Variants in PCBP3 observed in about 807,000 individuals in gnomAD.
PCBP3 encodes poly(rC)-binding protein 3.
PCBP3 carries 25 observed loss-of-function variants against 52.7 expected under a neutral mutation model. The observed-to-expected ratio is 0.47, with a 90% CI of 0.35 to 0.66. The LOEUF (loss-of-function observed/expected upper bound fraction) is 0.66, where lower values mean the gene tolerates loss of function less well. PCBP3 is among the 30% of genes least tolerant of loss of function. The pLI, the probability that PCBP3 is intolerant of heterozygous loss-of-function variation, is 0.01. For synonymous variants in PCBP3, 162 were observed against 183.0 expected (o/e 0.89, Z 0.93); for missense variants, 391 against 490.3 (o/e 0.80, Z 1.91).
At chr21:45,700,710 C>A (rs759864003) in intron 2 of PCBP3, among the ~76,000 whole-genome samples, 1 of 152,184 alleles carries the variant, frequency 6.6e-6, no homozygotes, top group African/African-American at 2.4e-5. Flanking sequence ...GAATTCCTGT[C>A]TAGGGCTGTA....
At chr21:45,771,559 C>T (rs2089865777) in intron 4 of PCBP3, among the ~76,000 whole-genome samples, 1 of 152,154 alleles carries the variant, frequency 6.6e-6, no homozygotes, top group South Asian at 2.1e-4. Flanking sequence ...TGACAAAATG[C>T]AACACTCCTT....
intron 1 of PCBP3, among the ~76,000 whole-genome samples, chr21:45,651,992 T>G (rs1238951644): frequency 6.6e-6 from 1 of 152,224 alleles, no homozygotes; most frequent in African/African-American, 2.4e-5. Context: ...ATAGACGCAT[T>G]TGTGTATGAG....
At chr21:45,844,734 A>T (rs923795336) in intron 4 of PCBP3, among the ~76,000 whole-genome samples, 3 of 152,126 alleles carry the variant, frequency 2.0e-5, no homozygotes, top group African/African-American at 7.2e-5. Flanking sequence ...ACTCTGGTAC[A>T]TATGAAACCA....
intron 2 of PCBP3, among the ~76,000 whole-genome samples, chr21:45,688,764 G>T (rs2082298589): frequency 6.6e-6 from 1 of 151,780 alleles, no homozygotes; most frequent in Non-Finnish European, 1.5e-5. Flanking sequence ...AATATCAGTA[G>T]TGAAAAAGAA....
At chr21:45,922,719 T>A (rs2074617827) in intron 13 of PCBP3, among the ~76,000 whole-genome samples, 1 of 152,206 alleles carries the variant, frequency 6.6e-6, no homozygotes, top group African/African-American at 2.4e-5. Context: ...GTAGGCGATT[T>A]TAGATGAGCC....
At chr21:45,645,250 T>G (rs891203294) in intron 1 of PCBP3, among the ~76,000 whole-genome samples, 5 of 145,500 alleles carry the variant, frequency 3.4e-5, no homozygotes, top group Non-Finnish European at 6.1e-5. Flanking sequence ...TTTTTTTTTT[T>G]GCTTGTATGT....
chr21:45,693,097 A>C (rs1224251799), intron 2 of PCBP3, among the ~76,000 whole-genome samples: 21 of 152,188 alleles, frequency 1.4e-4, no homozygotes, highest in Admixed American at 1.4e-3. Context: ...ACTAATAATA[A>C]AAATTCTCAG....
intron 2 of PCBP3, among the ~76,000 whole-genome samples, chr21:45,706,604 G>A (rs1009734421): frequency 6.6e-6 from 1 of 152,132 alleles, no homozygotes; most frequent in Admixed American, 6.5e-5. Flanking sequence ...CTAGAATTTA[G>A]GAAAGATTTT....
rs867509465 is a variant in PCBP3 at position 45,829,290 on chromosome 21, C to T, written c.-125-20671C>T. 33 of 152,318 alleles carry T rather than the reference C, an allele frequency of 2.2e-4. No homozygotes were observed. Among genetic ancestry groups the T allele is most frequent in the South Asian group, 4.1e-4 (2 of 4,822 alleles). 9.4% of individuals were successfully genotyped at this position (152,318 alleles called of 1,614,324 possible). Reference sequence around the variant, plus strand: ...AGGACACTTTGCTGGGGAGAAGGTGCGTGGTCCATTTCTCCAGGAGTCCGT... The same window carrying T: ...AGGACACTTTGCTGGGGAGAAGGTGTGTGGTCCATTTCTCCAGGAGTCCGT... On this transcript the variant is annotated intron_variant, in intron 4 of 17. Coordinates refer to ENST00000681687, the MANE Select transcript of PCBP3 (RefSeq NM_001384156.1). This position sits in a 1 kb window ranked among gnomAD's most constrained non-coding sequence, Gnocchi z 5.2.
chr21:45,875,128 G>C (rs1270854637), intron 5 of PCBP3, among the ~76,000 whole-genome samples: 2 of 152,240 alleles, frequency 1.3e-5, no homozygotes, highest in African/African-American at 4.8e-5. Flanking sequence ...GGCGTCCAGC[G>C]GCAGCCAGAC....
chr21:45,689,805 TAATAA>T, intron 2 of PCBP3, among the ~76,000 whole-genome samples: 1 of 152,194 alleles, frequency 6.6e-6, no homozygotes, highest in Middle Eastern at 3.4e-3. Context: ...AGGATAAAGT[TAATAA>T]AATATGTGTA....
rs2077498448 is a variant in PCBP3, at chr21:45,941,868, AC to A, written c.*163del. On this transcript the variant is annotated 3_prime_UTR_variant, in exon 18 of 18. Transcript: ENST00000681687. ...GCCATGGAGAAACACACCCGCGCAC[AC>A]AGCTGCTCTCTACAGAGGCTGCAGG... 1.8e-5 allele frequency: 9 copies of A among 513,480 alleles called. No individual in the cohort carries two copies. The South Asian group carries it at 2.8e-4, about 16-fold the overall frequency. The allele number at this position is 513,480 out of a possible 1,614,324, so 31.8% of individuals were successfully genotyped here. A position where few individuals can be genotyped will look rare whatever the true frequency, so the allele number is the denominator to read the frequency against.
intron 12 of PCBP3, chr21:45,915,973 T>C (rs3788229): frequency 0.12 from 17,697 of 152,282 alleles, 1,239 homozygotes; most frequent in African/African-American, 0.2. Flanking sequence ...TCTGTCCAGT[T>C]GGAGAAATCA....
chr21:45,863,920 G>A (rs1009362213), intron 5 of PCBP3, among the ~76,000 whole-genome samples: 4 of 152,170 alleles, frequency 2.6e-5, no homozygotes, highest in African/African-American at 9.7e-5. Context: ...GATGCGTTAC[G>A]ATGAAAAAGC....
In PCBP3 at chr21:45,827,380, C is replaced by T. The variant is rs926863301; in HGVS notation, c.-125-22581C>T. 4.6e-5 allele frequency among the ~76,000 whole-genome samples: 7 copies of T among 152,152 alleles called. No individual in the cohort carries two copies. The highest frequency in any genetic ancestry group is 1.7e-4 in the African/African-American group (7 of 41,442). On this transcript the variant is annotated intron_variant, in intron 4 of 17. Coordinates refer to ENST00000681687, the MANE Select transcript of PCBP3 (RefSeq NM_001384156.1). This position sits in a 1 kb window ranked among gnomAD's most constrained non-coding sequence, Gnocchi z 4.3. ...CATGGCCAGGTTTCAACTGCAGGTC[C>T]TCACACACGCCAAGAACCAGGAAGA...
intron 4 of PCBP3, among the ~76,000 whole-genome samples, chr21:45,811,074 G>A (rs1411975216): frequency 6.6e-6 from 1 of 151,592 alleles, no homozygotes; most frequent in Non-Finnish European, 1.5e-5. Context: ...CCATTTTTTT[G>A]TATTTTTATA....
rs75024288 is a variant in PCBP3 at position 45,780,378 on chromosome 21, T to A, written c.-126+24926T>A. Among the ~76,000 whole-genome samples the A allele has an allele frequency of 7.7e-3, 1,177 of 152,400 alleles. 11 individuals carry two copies. Among genetic ancestry groups the A allele is most frequent in the Non-Finnish European group, 0.013 (888 of 68,044 alleles). On this transcript the variant is annotated intron_variant, in intron 4 of 17. Coordinates refer to ENST00000681687, the MANE Select transcript of PCBP3 (RefSeq NM_001384156.1). ...GGAAAGAGGTTATAAATTCTAGTTA[T>A]GATCTGATGGGGCTCCAAGGTCATA...
At chr21:45,856,463 T>C (rs996444215) in intron 5 of PCBP3, among the ~76,000 whole-genome samples, 1 of 152,088 alleles carries the variant, frequency 6.6e-6, no homozygotes, top group Non-Finnish European at 1.5e-5. Flanking sequence ...TGGAGGTGGG[T>C]CTGGTGGGAG....
chr21:45,658,285 G>A (rs938011943), intron 1 of PCBP3, among the ~76,000 whole-genome samples: 3 of 152,046 alleles, frequency 2.0e-5, no homozygotes, highest in Non-Finnish European at 4.4e-5. Context: ...ATATATTGGT[G>A]GATTCGGTTT....
Sources: gnomAD v4.1 joint callset for allele counts (sites outside exome capture counted in the v4.1 genomes callset) on GRCh38, gnomAD v4.1.1 for gene constraint, Gnocchi (gnomAD v3.1) non-coding constraint, MANE v1.5 for transcripts, NCBI Gene and HGNC (gene_info 2026-07-23, HGNC 2026-07-21) for gene names.